Variants in ERI1 observed in about 807,000 individuals in gnomAD.
The protein encoded by ERI1 is 3'-5' exoribonuclease 1.
In ERI1, 39 loss-of-function variants were observed where a neutral mutation model predicts 39.7. That is an observed-to-expected ratio of 0.98 (90% CI 0.76 to 1.28). ERI1 has a LOEUF of 1.28. ERI1 is among the 50% of genes most tolerant of loss of function. ERI1 has a pLI of 0.00. For missense variants in ERI1, 581 were observed against 416.9 expected, an observed-to-expected ratio of 1.39 and a Z score of -3.43; for synonymous variants, 204 against 149.6, an observed-to-expected ratio of 1.36 and a Z score of -2.65.
intron 2 of ERI1, chr8:9,009,013 G>T (rs564452536): frequency 2.2e-6 from 1 of 456,044 alleles, no homozygotes; most frequent in South Asian, 1.5e-5. Context: ...CTATTTCCCC[G>T]ATTCTTTCTG....
At chr8:9,065,100 G>A (rs1798833210) in intron 3 of ERI1, among the ~76,000 whole-genome samples, 1 of 152,084 alleles carries the variant, frequency 6.6e-6, no homozygotes, top group Non-Finnish European at 1.5e-5. Context: ...CTTTTGTGGT[G>A]GAATGTCATT....
intron 3 of ERI1, among the ~76,000 whole-genome samples, chr8:9,042,732 C>T (rs1258121788): frequency 6.6e-6 from 1 of 152,174 alleles, no homozygotes; most frequent in East Asian, 1.9e-4. Context: ...AGAAACGATC[C>T]AAAATCTGAA....
In ERI1 at chr8:9,033,280, T is replaced by G. The variant is rs1585244154; in HGVS notation, c.*3246T>G. Reference sequence around the variant, plus strand: ...CTTTTGTTAATGGCTCAAAATAATATTTTGTATAATACGAAAATTACGAAA... The same window carrying G: ...CTTTTGTTAATGGCTCAAAATAATAGTTTGTATAATACGAAAATTACGAAA... On this transcript the variant is annotated 3_prime_UTR_variant, in exon 7 of 7. Coordinates refer to ENST00000250263, the MANE Select transcript of ERI1 (RefSeq NM_153332.4). The G allele has an allele frequency of 6.6e-6, 1 of 152,232 alleles. No homozygotes were observed. The highest frequency in any genetic ancestry group is 1.9e-4 in the East Asian group (1 of 5,194). The allele number at this position is 152,232 out of a possible 1,614,324, so 9.4% of individuals were successfully genotyped here. A position where few individuals can be genotyped will look rare whatever the true frequency, so the allele number is the denominator to read the frequency against.
At chr8:9,024,950 AG>A (rs1352481410) in intron 6 of ERI1, among the ~76,000 whole-genome samples, 1 of 150,512 alleles carries the variant, frequency 6.6e-6, no homozygotes, top group Non-Finnish European at 1.5e-5. Flanking sequence ...TAAAAAAAAA[AG>A]CTTGCTTACA....
chr8:9,008,798 TA>T (rs1241390260), intron 2 of ERI1, among the ~76,000 whole-genome samples: 3 of 152,202 alleles, frequency 2.0e-5, no homozygotes, highest in African/African-American at 7.2e-5. Context: ...CGATTTTTGA[TA>T]AACGGTAGAA....
At chr8:9,069,945 T>C (rs1397359305) in intron 3 of ERI1, among the ~76,000 whole-genome samples, 1 of 152,160 alleles carries the variant, frequency 6.6e-6, no homozygotes, top group Non-Finnish European at 1.5e-5. Flanking sequence ...TAATTTTAAA[T>C]AGTCTATTAT....
At chr8:9,083,783 G>A (rs1799439779) in intron 3 of ERI1, among the ~76,000 whole-genome samples, 1 of 151,976 alleles carries the variant, frequency 6.6e-6, no homozygotes, top group Non-Finnish European at 1.5e-5. Context: ...GCAAGACCCT[G>A]TCTCTATGAT....
intron 3 of ERI1, among the ~76,000 whole-genome samples, chr8:9,087,732 C>A (rs552124779): frequency 5.9e-5 from 9 of 152,270 alleles, no homozygotes; most frequent in African/African-American, 2.2e-4. Context: ...ACATAAATGT[C>A]CTCCCCATGC....
intron 1 of ERI1, among the ~76,000 whole-genome samples, chr8:9,003,399 C>A (rs1040952949): frequency 2.0e-5 from 3 of 152,254 alleles, no homozygotes; most frequent in Non-Finnish European, 4.4e-5. Context: ...AAGACCAGTT[C>A]TGTCTACAGT....
intron 6 of ERI1, 64 bp from the exon 7 acceptor site, chr8:9,029,728 A>C: frequency 6.3e-7 from 1 of 1,577,210 alleles, no homozygotes; most frequent in Admixed American, 1.7e-5. Context: ...TTTTCATCTT[A>C]ACTGTGGCTT....
chr8:9,062,227 G>A (rs537509357), intron 3 of ERI1, among the ~76,000 whole-genome samples: 2 of 152,094 alleles, frequency 1.3e-5, no homozygotes, highest in Non-Finnish European at 2.9e-5. Flanking sequence ...TAATGAGATT[G>A]TAAGGGGTGC....
chr8:9,018,481 A>G (rs1400271254), intron 5 of ERI1, 75 bp downstream of exon 5: 7 of 841,714 alleles, frequency 8.3e-6, no homozygotes, highest in Non-Finnish European at 9.3e-6. Context: ...TCTGATTTTT[A>G]GAATAACCAC....
chr8:9,053,162 A>G (rs960818170), intron 3 of ERI1, among the ~76,000 whole-genome samples: 2 of 152,128 alleles, frequency 1.3e-5, no homozygotes, highest in African/African-American at 2.4e-5. Context: ...GACCACAGGC[A>G]TGCACTACCA....
At chr8:9,045,235 CAA>C (rs5889258) in intron 3 of ERI1, among the ~76,000 whole-genome samples, 1,086 of 75,658 alleles carry the variant, frequency 0.014, 7 homozygotes, top group Non-Finnish European at 0.021. Context: ...GACTCTGTCT[CAA>C]AAAAAAAAAA....
downstream of ERI1, among the ~76,000 whole-genome samples, chr8:9,034,586 GAC>G: frequency 6.6e-6 from 1 of 152,094 alleles, no homozygotes; most frequent in South Asian, 2.1e-4. Flanking sequence ...ACCCATATAA[GAC>G]AACGAACTTA....
intron 3 of ERI1, among the ~76,000 whole-genome samples, chr8:9,097,689 A>C (rs1292163600): frequency 1.3e-5 from 2 of 151,026 alleles, no homozygotes; most frequent in East Asian, 3.9e-4. Context: ...AAAAAAGAGT[A>C]ATTTATCATT....
At chr8:9,017,655 A>C (rs1401509305) in intron 4 of ERI1, among the ~76,000 whole-genome samples, 2 of 152,188 alleles carry the variant, frequency 1.3e-5, no homozygotes, top group African/African-American at 4.8e-5. Flanking sequence ...CATGAAAGAT[A>C]GGTAGGCAGA....
chr8:9,042,786 G>A (rs1431234248), intron 3 of ERI1, among the ~76,000 whole-genome samples: 1 of 152,140 alleles, frequency 6.6e-6, no homozygotes, highest in South Asian at 2.1e-4. Flanking sequence ...GATGCTCAAC[G>A]AATAAATATC....
In ERI1 at chr8:9,049,336, C is replaced by CAA. The variant is rs3989371; in HGVS notation, n.299+28900_299+28901dup. ...GGGCGACAGAGTGAGACTCCGTCTC[C>CAA]AAAAAAAAAAAAAAAAAAAAAAAAA... On this transcript the variant is annotated intron_variant and non_coding_transcript_variant, in intron 3 of 3. Transcript: ENST00000518663. Among the ~76,000 whole-genome samples, 28 of 33,242 alleles carry CAA rather than the reference C, an allele frequency of 8.4e-4. 3 individuals are homozygous for CAA. Among genetic ancestry groups the CAA allele is most frequent in the African/African-American group, 1.9e-3 (17 of 9,138 alleles). The allele number at this position is 33,242 out of a possible 152,430, so 21.8% of individuals were successfully genotyped here.
Sources: allele counts gnomAD v4.1 joint callset (sites outside exome capture counted in the v4.1 genomes callset), GRCh38; gene constraint gnomAD v4.1.1; transcripts MANE v1.5; gene names NCBI Gene and HGNC (gene_info 2026-07-23, HGNC 2026-07-21).